The following SMARCA1 variants were observed in gnomAD, a reference collection of about 807,000 sequenced individuals.
SMARCA1 encodes the protein SNF2 related chromatin remodeling ATPase 1.
A neutral mutation model predicts 93.6 loss-of-function variants in SMARCA1; 17 were observed. The ratio of observed to expected loss-of-function variants is 0.18; its 90% CI spans 0.12 to 0.27. The LOEUF (loss-of-function observed/expected upper bound fraction) is 0.27, where lower values mean the gene tolerates loss of function less well. SMARCA1 is among the 10% of genes least tolerant of loss of function. The pLI is 1.00. For synonymous variants in SMARCA1, 271 were observed against 271.4 expected (o/e 1.00, Z 0.01); for missense variants, 630 against 819.0 (o/e 0.77, Z 2.82).
At chrX:129,464,026 T>C (rs1391917931) in intron 23 of SMARCA1, among the ~76,000 whole-genome samples, 1 of 112,336 alleles carries the variant, frequency 8.9e-6, no homozygotes, top group Non-Finnish European at 1.9e-5. Flanking sequence ...TCATTCCAAC[T>C]ACTCTAGCTC....
chrX:129,473,147 C>T (rs907979693), intron 19 of SMARCA1, among the ~76,000 whole-genome samples: 6 of 111,546 alleles, frequency 5.4e-5, no homozygotes, highest in African/African-American at 2.0e-4. Context: ...AGGGTCTTGA[C>T]ACTACACAGA....
At chrX:129,451,180 A>G (rs1299750914) in intron 23 of SMARCA1, among the ~76,000 whole-genome samples, 2 of 112,414 alleles carry the variant, frequency 1.8e-5, no homozygotes, top group Non-Finnish European at 3.8e-5. Flanking sequence ...AACAATAGTG[A>G]TATCTTTAGT....
intron 9 of SMARCA1, among the ~76,000 whole-genome samples, chrX:129,500,834 G>A (rs1019151278): frequency 1.8e-5 from 2 of 111,714 alleles, no homozygotes; most frequent in African/African-American, 3.3e-5. Flanking sequence ...TCATCTATGC[G>A]GTCCATCGTT....
chrX:129,463,535 C>T (rs1435081790), intron 23 of SMARCA1, among the ~76,000 whole-genome samples: 1 of 112,231 alleles, frequency 8.9e-6, no homozygotes, highest in Non-Finnish European at 1.9e-5. Context: ...TACAGATTAC[C>T]TCTTTATCTT....
chrX:129,469,338 C>CA (rs36009011), intron 20 of SMARCA1, among the ~76,000 whole-genome samples: 51,425 of 107,358 alleles, frequency 0.48, 11,960 homozygotes, highest in African/African-American at 0.89. Context: ...AAAGATAATG[C>CA]AAAAAAAAAT....
In SMARCA1 at chrX:129,506,066, T is replaced by C; in HGVS notation, c.1098+14A>G. On this transcript the variant is annotated intron_variant, in intron 8 of 24. Coordinates refer to ENST00000371121, the MANE Select transcript of SMARCA1 (RefSeq NM_001282874.2). ...ATAAGAAAGTTATACTTAAAACGTA[T>C]GGCTTAAACTTACATCTGCAGAATT... 8.6e-7 allele frequency: 1 copy of C among 1,158,776 alleles called. No homozygotes were observed. Among genetic ancestry groups the C allele is most frequent in the Non-Finnish European group, 1.2e-6 (1 of 855,126 alleles).
chrX:129,502,952 TG>T (rs765862354), intron 9 of SMARCA1, among the ~76,000 whole-genome samples: 3 of 112,032 alleles, frequency 2.7e-5, no homozygotes, highest in Admixed American at 9.5e-5. Context: ...AGGATTCACA[TG>T]GAAGAATTAG....
chrX:129,523,476 C>G lies in SMARCA1; in HGVS notation c.-106G>C. Reference sequence around the variant, plus strand: ...GCTAGATGGAGCAGGGGTGGGGAATCACTCCGCTTCCAACCCCTTCGCTCA... The same window carrying G: ...GCTAGATGGAGCAGGGGTGGGGAATGACTCCGCTTCCAACCCCTTCGCTCA... On this transcript the variant is annotated 5_prime_UTR_variant, in exon 1 of 25. Transcript: ENST00000371121. 11 of 628,333 alleles carry G rather than the reference C, an allele frequency of 1.8e-5. No homozygotes were observed. The highest frequency in any genetic ancestry group is 3.8e-5 in the Admixed American group (1 of 26,061). The allele number at this position is 628,333 out of a possible 1,213,427, so 51.8% of individuals were successfully genotyped here.
chrX:129,495,750 G>A (rs1002353583), intron 12 of SMARCA1, among the ~76,000 whole-genome samples: 3 of 107,526 alleles, frequency 2.8e-5, no homozygotes, highest in Non-Finnish European at 5.8e-5. Context: ...TTTGATTGAC[G>A]TCGCAGTTTC....
At position 129,523,292 on chromosome X, in the gene SMARCA1, C is replaced by T. The variant is rs747488090; in HGVS notation, c.79G>A (p.Glu27Lys). 21 of 1,208,989 alleles carry T rather than the reference C, an allele frequency of 1.7e-5. No individual in the cohort carries two copies. In the South Asian group the frequency reaches 2.3e-4, roughly 13 times the overall value. Residue 27 changes from glutamate to lysine, a missense_variant, in exon 1 of 25, where the codon GAG (glutamate) becomes AAG (lysine). Transcript: ENST00000371121. Reference sequence around the variant, plus strand: ...TGAGAGGTGGACGGCCCGGGCTGCTCGTCCTCTATGACCACGATAGTGGCG... The same window carrying T: ...TGAGAGGTGGACGGCCCGGGCTGCTTGTCCTCTATGACCACGATAGTGGCG... Reference protein sequence around the residue: ...ATATIVVIEDEQPGPSTSQEE... With the variant: ...ATATIVVIEDKQPGPSTSQEE...
chrX:129,488,028 A>T (rs1264451779), intron 16 of SMARCA1, among the ~76,000 whole-genome samples: 1 of 111,117 alleles, frequency 9.0e-6, no homozygotes, highest in African/African-American at 3.3e-5. Flanking sequence ...CTGGGGATAT[A>T]GACAGAACAG....
chrX:129,484,528 C>T (rs186573977), intron 17 of SMARCA1, among the ~76,000 whole-genome samples: 1 of 111,637 alleles, frequency 9.0e-6, no homozygotes, highest in South Asian at 3.7e-4. Flanking sequence ...TCTCATTTTT[C>T]AGTAAAATAA....
At chrX:129,519,805 G>A (rs975609574) in intron 1 of SMARCA1, among the ~76,000 whole-genome samples, 1 of 111,456 alleles carries the variant, frequency 9.0e-6, no homozygotes, top group African/African-American at 3.3e-5. Flanking sequence ...GAAAAATTGG[G>A]TATCAAATCC....
chrX:129,517,434 A>G (rs1935243491), intron 2 of SMARCA1, among the ~76,000 whole-genome samples: 1 of 111,212 alleles, frequency 9.0e-6, no homozygotes, highest in Non-Finnish European at 1.9e-5. Flanking sequence ...AATAACCCAG[A>G]AAACTTACAG....
At chrX:129,485,251 G>T (rs967200154) in intron 17 of SMARCA1, among the ~76,000 whole-genome samples, 3 of 112,447 alleles carry the variant, frequency 2.7e-5, no homozygotes, top group African/African-American at 9.7e-5. Context: ...ACACTAGTGT[G>T]CCCAGGATGG....
intron 23 of SMARCA1, among the ~76,000 whole-genome samples, chrX:129,449,603 T>C (rs1425941607): frequency 8.9e-6 from 1 of 112,350 alleles, no homozygotes; most frequent in African/African-American, 3.2e-5. Flanking sequence ...TAATACGGAA[T>C]ATCATATATT....
At chrX:129,514,911 G>C (rs973592883) in intron 5 of SMARCA1, among the ~76,000 whole-genome samples, 1 of 110,955 alleles carries the variant, frequency 9.0e-6, no homozygotes, top group East Asian at 2.8e-4. Flanking sequence ...TTAGCCGGAC[G>C]TGGTGGCAGG....
Position 129,499,769 on chromosome X carries a change from T to G in SMARCA1, c.1240A>C (p.Lys414Gln). 1 of 1,183,065 alleles carries G rather than the reference T, an allele frequency of 8.5e-7. No individual in the cohort carries two copies. Among genetic ancestry groups the G allele is most frequent in the Non-Finnish European group, 1.1e-6 (1 of 871,948 alleles). ...ATCTTACTCAGCCCCAAGTAAATCT[T>G]TATTTCCTTTTTAGGTGGCAGACTC... ...EKSLPPKKEI[K>Q]IYLGLSKMQR... Residue 414 changes from lysine (K) to glutamine (Q), a missense_variant, in exon 10 of 25, where the codon AAG becomes CAG. Lys to Gln is a moderately conservative substitution (Grantham distance 53). Coordinates refer to ENST00000371121, the MANE Select transcript of SMARCA1 (RefSeq NM_001282874.2).
intron 14 of SMARCA1, among the ~76,000 whole-genome samples, chrX:129,491,739 C>G (rs1189704970): frequency 1.8e-5 from 2 of 111,726 alleles, no homozygotes; most frequent in Non-Finnish European, 3.8e-5. Context: ...TAAGTTGGAT[C>G]TGGGGTGTGT....
Sources: gnomAD v4.1 joint callset for allele counts (sites outside exome capture counted in the v4.1 genomes callset) on GRCh38, gnomAD v4.1.1 for gene constraint, MANE v1.5 for transcripts, NCBI Gene and HGNC (gene_info 2026-07-23, HGNC 2026-07-21) for gene names.